AAGAB: variants seen among roughly 807,000 people sequenced by gnomAD.
The protein encoded by AAGAB is alpha and gamma adaptin binding protein, also known as alpha- and gamma-adaptin-binding protein p34.
In AAGAB, 38 loss-of-function variants were observed where a neutral mutation model predicts 44.1. The observed-to-expected ratio is 0.86, with a 90% CI of 0.67 to 1.13. The LOEUF is 1.13. Ranked by LOEUF, AAGAB falls within the 50% of genes most tolerant of loss-of-function variation. The pLI, the probability that AAGAB is intolerant of heterozygous loss-of-function variation, is 0.00. For synonymous variants in AAGAB, 131 were observed against 131.8 expected (o/e 0.99, Z 0.04); for missense variants, 450 against 373.8 (o/e 1.20, Z -1.68).
intron 7 of AAGAB, among the ~76,000 whole-genome samples, chr15:67,204,938 T>G (rs978433605): frequency 6.6e-6 from 1 of 152,212 alleles, no homozygotes; most frequent in African/African-American, 2.4e-5. Flanking sequence ...TTCTAACATT[T>G]CTCCACCACT....
chr15:67,229,473 C>T (rs1202583525), intron 5 of AAGAB, among the ~76,000 whole-genome samples: 1 of 149,076 alleles, frequency 6.7e-6, no homozygotes, highest in African/African-American at 2.5e-5. Context: ...AAAAAAAAAC[C>T]CAAAAAAACT....
chr15:67,233,327 T>C (rs145763743), intron 4 of AAGAB, among the ~76,000 whole-genome samples: 177 of 152,290 alleles, frequency 1.2e-3, no homozygotes, highest in African/African-American at 3.9e-3. Context: ...ATCCTGCTTC[T>C]GGAATTTGAC....
Position 67,236,690 on chromosome 15 carries a change from A to G in AAGAB, c.204T>C (p.Leu68=), listed in dbSNP as rs368829803. Residue 68 remains leucine (L), a synonymous_variant, in exon 2 of 10, where the codon CTT becomes CTC. Transcript: ENST00000261880. ...INLCVVPNKF[L]VTAEIAESVQ... ...CAGATTCTGCAATCTCTGCAGTAACAAGAAATTTGTTTGGCACCACACATA... is the reference window on the plus strand; with the variant it reads ...CAGATTCTGCAATCTCTGCAGTAACGAGAAATTTGTTTGGCACCACACATA... The G allele has an allele frequency of 5.6e-6, 9 of 1,613,994 alleles. No homozygotes were observed. Among genetic ancestry groups the G allele is most frequent in the Non-Finnish European group, 7.6e-6 (9 of 1,179,990 alleles).
At chr15:67,230,390 C>T (rs1964308248) in intron 5 of AAGAB, among the ~76,000 whole-genome samples, 1 of 152,140 alleles carries the variant, frequency 6.6e-6, no homozygotes, top group Non-Finnish European at 1.5e-5. Flanking sequence ...TGAGGTCATA[C>T]TGCAGTAGGT....
rs1479485259 is a variant in AAGAB at position 67,202,881 on chromosome 15, C to T, written c.888G>A (p.Trp296Ter). The T allele has an allele frequency of 3.7e-6, 6 of 1,614,074 alleles. No individual in the cohort carries two copies. The African/African-American group carries it at 4.0e-5, about 11-fold the overall frequency. Residue 296 changes from tryptophan (W) to a stop codon, truncating the protein, a stop_gained, in exon 10 of 10, where the codon TGG becomes TGA. Coordinates refer to ENST00000261880, the MANE Select transcript of AAGAB (RefSeq NM_024666.5). LOFTEE classifies it high-confidence loss of function. ...VHAEKVAKAF[W>*]MAIGGDRDEI... ...CATCTCTGTCTCCCCCGATTGCCAT[C>T]CAGAATGCTTTGGCCACCTGTGGAG... is the stretch of plus-strand genomic sequence containing the variant.
chr15:67,214,845 T>C (rs966877168), intron 5 of AAGAB, among the ~76,000 whole-genome samples: 3 of 152,054 alleles, frequency 2.0e-5, no homozygotes, highest in Non-Finnish European at 2.9e-5. Flanking sequence ...TTTCACCGTG[T>C]TAGCCAGGAT....
chr15:67,225,234 C>A (rs144192707), intron 5 of AAGAB, among the ~76,000 whole-genome samples: 53 of 152,258 alleles, frequency 3.5e-4, no homozygotes, highest in Admixed American at 9.2e-4. Flanking sequence ...CTCCACTGAG[C>A]CTAACTCATA....
At chr15:67,210,746 C>T (rs1175812541) in intron 5 of AAGAB, among the ~76,000 whole-genome samples, 1 of 152,216 alleles carries the variant, frequency 6.6e-6, no homozygotes, top group Non-Finnish European at 1.5e-5. Flanking sequence ...CTGAGATTCA[C>T]TGAGTCAGCA....
Position 67,222,240 on chromosome 15 carries a change from G to GCACA in AAGAB, c.535+9573_535+9574insTGTG, listed in dbSNP as rs1156310462. 5.6e-3 allele frequency among the ~76,000 whole-genome samples: 494 copies of GCACA among 88,238 alleles called. 8 individuals carry two copies. The highest frequency in any genetic ancestry group is 0.016 in the African/African-American group (470 of 29,904). 57.9% of individuals were successfully genotyped at this position (88,238 alleles called of 152,430 possible). A position where few individuals can be genotyped will look rare whatever the true frequency, so the allele number is the denominator to read the frequency against. The stretch of plus-strand genomic sequence containing the variant: ...CATGCATGCACGCGCACGCGCGCGC[G>GCACA]CGCACACACACACACACACACACAC... On this transcript the variant is annotated intron_variant, in intron 5 of 9. Transcript: ENST00000261880.
chr15:67,244,883 G>T (rs1259466517), intron 1 of AAGAB, among the ~76,000 whole-genome samples: 1 of 151,818 alleles, frequency 6.6e-6, no homozygotes, highest in Admixed American at 6.6e-5. Context: ...TATTAAAATG[G>T]ACTATATGAA....
chr15:67,219,757 A>T (rs558179312), intron 5 of AAGAB, among the ~76,000 whole-genome samples: 13 of 152,260 alleles, frequency 8.5e-5, no homozygotes, highest in South Asian at 4.2e-4. Context: ...AAAAATAAAA[A>T]TTTTTTTAAA....
intron 4 of AAGAB, among the ~76,000 whole-genome samples, chr15:67,234,507 T>C (rs1964418411): frequency 6.6e-6 from 1 of 152,190 alleles, no homozygotes; most frequent in South Asian, 2.1e-4. Flanking sequence ...GTTTGAATAA[T>C]ACATGCAAGT....
At position 67,204,110 on chromosome 15, in the gene AAGAB, G is replaced by T. The variant is rs775445355; in HGVS notation, c.754C>A (p.Leu252Ile). The T allele has an allele frequency of 2.0e-5, 33 of 1,611,940 alleles. No homozygotes were observed. Among genetic ancestry groups the T allele is most frequent in the Non-Finnish European group, 2.7e-5 (32 of 1,178,336 alleles). ...TCCACATCTCCTCCTCCAGTGGTAA[G>T]ACTGGCTAATTCTTGAATATCCAGA... ...LDLDIQELAS[L>I]TTGGGDVENF... Residue 252 changes from leucine (L) to isoleucine (I), a missense_variant, in exon 8 of 10, where the codon CTT (leucine) becomes ATT (isoleucine). Physicochemically the swap from Leu to Ile is conservative, Grantham distance 5. Coordinates refer to ENST00000261880, the MANE Select transcript of AAGAB (RefSeq NM_024666.5).
chr15:67,247,898 T>C (rs1166033468), intron 1 of AAGAB, among the ~76,000 whole-genome samples: 1 of 152,216 alleles, frequency 6.6e-6, no homozygotes, highest in Non-Finnish European at 1.5e-5. Context: ...CTGCAATTTC[T>C]CCTACTGCTT....
At chr15:67,243,247 G>A (rs956826540) in intron 1 of AAGAB, among the ~76,000 whole-genome samples, 1 of 152,092 alleles carries the variant, frequency 6.6e-6, no homozygotes, top group African/African-American at 2.4e-5. Flanking sequence ...CATCAGGAAA[G>A]GGAGAGAGAA....
chr15:67,234,029 TC>T (rs1447894253), intron 4 of AAGAB, among the ~76,000 whole-genome samples: 1 of 149,514 alleles, frequency 6.7e-6, no homozygotes. Context: ...GATCACGAGG[TC>T]AGGAGATTGA....
At chr15:67,218,808 T>G (rs749016225) in intron 5 of AAGAB, among the ~76,000 whole-genome samples, 34 of 152,314 alleles carry the variant, frequency 2.2e-4, no homozygotes, top group Admixed American at 3.3e-4. Flanking sequence ...CAAACCAGAC[T>G]CTGATAGGAC....
In AAGAB at chr15:67,214,496, T is replaced by G. The variant is rs753802209; in HGVS notation, c.536-4952A>C. Among the ~76,000 whole-genome samples, 5 of 152,188 alleles carry G rather than the reference T, an allele frequency of 3.3e-5. No homozygotes were observed. In the South Asian group the frequency reaches 6.2e-4, roughly 19 times the overall value. ...GGGTAGGTGGGAAAGAGGGGTGTCC[T>G]GTGCATCCCCTGCCTCTATCCACCA... On this transcript the variant is annotated intron_variant, in intron 5 of 9. Transcript: ENST00000261880.
At chr15:67,213,348 AT>A (rs568469620) in intron 5 of AAGAB, among the ~76,000 whole-genome samples, 4 of 152,060 alleles carry the variant, frequency 2.6e-5, no homozygotes, top group Non-Finnish European at 5.9e-5. Context: ...CCTTGGGATG[AT>A]TTTTTTTAAC....
Sources: gnomAD v4.1 joint callset for allele counts (sites outside exome capture counted in the v4.1 genomes callset) on GRCh38, gnomAD v4.1.1 for gene constraint, MANE v1.5 for transcripts, NCBI Gene and HGNC (gene_info 2026-07-23, HGNC 2026-07-21) for gene names.